PHKB: variants seen among roughly 807,000 people sequenced by gnomAD.
PHKB encodes the protein phosphorylase kinase regulatory subunit beta, also known as phosphorylase b kinase regulatory subunit beta.
PHKB carries 122 observed loss-of-function variants against 152.1 expected under a neutral mutation model. The observed-to-expected ratio is 0.80, with a 90% CI of 0.69 to 0.93. The LOEUF (loss-of-function observed/expected upper bound fraction) is 0.93, where lower values mean the gene tolerates loss of function less well. Among genes scored for constraint, PHKB ranks in the 40% least tolerant of loss-of-function variants. The pLI is 0.00. For synonymous variants in PHKB, 436 were observed against 464.9 expected (o/e 0.94, Z 0.80); for missense variants, 1,304 against 1,328.4 (o/e 0.98, Z 0.29).
rs1567279829 is a variant in PHKB at position 47,497,507 on chromosome 16, A to C, written c.166+19A>C. Reference sequence around the variant, plus strand: ...AGAATTGGTGAGTAAAACCTGAGGAAAACGTGTCCTTAGGTATCTGCGATT... The same window carrying C: ...AGAATTGGTGAGTAAAACCTGAGGACAACGTGTCCTTAGGTATCTGCGATT... On this transcript the variant is annotated intron_variant, in intron 2 of 30. Transcript: ENST00000323584. 1 of 1,412,516 alleles carries C rather than the reference A, an allele frequency of 7.1e-7. No individual in the cohort carries two copies. Among genetic ancestry groups the C allele is most frequent in the Admixed American group, 1.7e-5 (1 of 59,694 alleles). The allele number at this position is 1,412,516 out of a possible 1,614,324, so 87.5% of individuals were successfully genotyped here.
intron 4 of PHKB, among the ~76,000 whole-genome samples, chr16:47,506,918 A>G (rs1052396031): frequency 1.3e-5 from 2 of 152,200 alleles, no homozygotes; most frequent in African/African-American, 2.4e-5. Flanking sequence ...CTGGTTGACA[A>G]GCTTGGATTA....
At chr16:47,529,101 A>C (rs1001872806) in intron 6 of PHKB, 3 of 152,184 alleles carry the variant, frequency 2.0e-5, no homozygotes, top group South Asian at 2.1e-4. Context: ...TGTATTTGGC[A>C]TGAGACATTT....
At chr16:47,529,226 A>G (rs1401881066) in intron 6 of PHKB, 1 of 152,244 alleles carries the variant, frequency 6.6e-6, no homozygotes, top group African/African-American at 2.4e-5. Context: ...GCAGTGGCTC[A>G]CATCTCTAAT....
At chr16:47,678,031 G>A (rs1396591493) in intron 26 of PHKB, among the ~76,000 whole-genome samples, 1 of 148,968 alleles carries the variant, frequency 6.7e-6, no homozygotes, top group South Asian at 2.1e-4. Flanking sequence ...TTCCTTTTTT[G>A]TCCTCGCAAT....
chr16:47,646,498 T>A (rs1481293548), intron 16 of PHKB, among the ~76,000 whole-genome samples: 1 of 121,026 alleles, frequency 8.3e-6, no homozygotes, highest in Non-Finnish European at 1.7e-5. Flanking sequence ...ACCTGCACAA[T>A]GTGCATATGT....
chr16:47,626,110 C>A lies in PHKB; in HGVS notation c.1459-14925C>A, dbSNP rs11865330. On this transcript the variant is annotated intron_variant, in intron 14 of 30. Transcript: ENST00000323584. ...CTCAAGGGTTCCTCACTAGCAGAAACCTTTCTAGTGTATAAAACTGTTAAA... is the reference window on the plus strand; with the variant it reads ...CTCAAGGGTTCCTCACTAGCAGAAAACTTTCTAGTGTATAAAACTGTTAAA... Among the ~76,000 whole-genome samples the A allele has an allele frequency of 7.5e-3, 1,138 of 152,320 alleles. 19 individuals are homozygous for A. The highest frequency in any genetic ancestry group is 0.026 in the African/African-American group (1,079 of 41,576).
intron 7 of PHKB, among the ~76,000 whole-genome samples, chr16:47,564,497 C>T (rs1041610634): frequency 1.4e-4 from 22 of 151,780 alleles, no homozygotes; most frequent in African/African-American, 5.1e-4. Flanking sequence ...CTGCTCTTGT[C>T]GTTTGCCCAC....
intron 7 of PHKB, chr16:47,565,974 G>T: frequency 1.2e-6 from 1 of 815,054 alleles, no homozygotes; most frequent in Admixed American, 2.4e-5. Context: ...ATCATCTCTG[G>T]AGCTCTATGA....
chr16:47,691,443 A>G (rs916627064), intron 27 of PHKB, among the ~76,000 whole-genome samples: 1 of 152,132 alleles, frequency 6.6e-6, no homozygotes, highest in Non-Finnish European at 1.5e-5. Context: ...GATGGCTCAC[A>G]CCTGTGATCC....
intron 7 of PHKB, among the ~76,000 whole-genome samples, chr16:47,557,182 G>T (rs1042761034): frequency 2.0e-5 from 3 of 152,194 alleles, no homozygotes; most frequent in African/African-American, 7.2e-5. Context: ...CTAGCCATAT[G>T]TAGAAATCTG....
In PHKB at chr16:47,587,706, T is replaced by G. The variant is rs1426204982; in HGVS notation, c.813T>G (p.Ala271=). 1 of 1,613,872 alleles carries G rather than the reference T, an allele frequency of 6.2e-7. No homozygotes were observed. The highest frequency in any genetic ancestry group is 1.1e-5 in the South Asian group (1 of 91,076). Residue 271 remains alanine, a synonymous_variant, in exon 9 of 31, where the codon GCT becomes GCG. Transcript: ENST00000323584. ...SWSVIFVDLD[A]HNRNRQTLCS... ...CAGTTATATTTGTGGATCTCGATGC[T>G]CACAATCGCAACAGGCAAACTTTGT...
At chr16:47,627,502 C>G (rs1050709820) in intron 14 of PHKB, among the ~76,000 whole-genome samples, 3 of 152,210 alleles carry the variant, frequency 2.0e-5, no homozygotes, top group Admixed American at 2.0e-4. Flanking sequence ...GAAAGAACTG[C>G]TGTCAAAAAG....
chr16:47,537,073 A>G (rs1339919728), intron 6 of PHKB, among the ~76,000 whole-genome samples: 2 of 152,254 alleles, frequency 1.3e-5, no homozygotes, highest in Admixed American at 6.5e-5. Context: ...TTTGAATGTC[A>G]AATATGAGAA....
chr16:47,501,134 C>G (rs774349516), intron 3 of PHKB, among the ~76,000 whole-genome samples: 64 of 152,286 alleles, frequency 4.2e-4, no homozygotes, highest in Non-Finnish European at 7.2e-4. Context: ...AATGGTGAAG[C>G]CAATAATGAG....
chr16:47,588,791 G>T (rs1481747186), intron 9 of PHKB, 114 bp from the exon 10 acceptor site: 1 of 824,328 alleles, frequency 1.2e-6, no homozygotes, highest in African/African-American at 1.7e-5. Flanking sequence ...GGAGCAGAGC[G>T]TGCTCACTTT....
At chr16:47,629,572 G>T (rs1412961876) in intron 14 of PHKB, among the ~76,000 whole-genome samples, 1 of 150,244 alleles carries the variant, frequency 6.7e-6, no homozygotes, top group Non-Finnish European at 1.5e-5. Flanking sequence ...TTACACTGTT[G>T]GTGGGACTGT....
At chr16:47,481,770 T>C (rs1469707926) in intron 1 of PHKB, among the ~76,000 whole-genome samples, 1 of 152,218 alleles carries the variant, frequency 6.6e-6, no homozygotes, top group Non-Finnish European at 1.5e-5. Flanking sequence ...TTCTCCACTT[T>C]TCAGATGAGA....
chr16:47,510,027 G>A (rs957830449), intron 4 of PHKB, among the ~76,000 whole-genome samples: 2 of 152,170 alleles, frequency 1.3e-5, no homozygotes, highest in Non-Finnish European at 2.9e-5. Flanking sequence ...CAGAACTTGG[G>A]AGACACTTTA....
intron 14 of PHKB, among the ~76,000 whole-genome samples, chr16:47,623,733 T>A (rs1972660059): frequency 6.6e-6 from 1 of 152,046 alleles, no homozygotes; most frequent in African/African-American, 2.4e-5. Flanking sequence ...TGTTTTTGTA[T>A]TTTTAATAGA....
Sources: allele counts gnomAD v4.1 joint callset (sites outside exome capture counted in the v4.1 genomes callset), GRCh38; gene constraint gnomAD v4.1.1; transcripts MANE v1.5; gene names NCBI Gene and HGNC (gene_info 2026-07-23, HGNC 2026-07-21).